The following FBXO11 variants were observed in gnomAD, a reference collection of about 807,000 sequenced individuals.
FBXO11 encodes the protein F-box only protein 11.
In FBXO11, 13 loss-of-function variants were observed where a neutral mutation model predicts 117.0. The ratio of observed to expected loss-of-function variants is 0.11; its 90% CI spans 0.07 to 0.18. FBXO11 has a LOEUF of 0.18. Ranked by LOEUF, FBXO11 falls within the 10% of genes least tolerant of loss-of-function variation. FBXO11 has a pLI of 1.00. For missense variants in FBXO11, 767 were observed against 1,164.4 expected, an observed-to-expected ratio of 0.66 and a Z score of 4.97; for synonymous variants, 490 against 380.5, an observed-to-expected ratio of 1.29 and a Z score of -3.35.
At position 47,896,949 on chromosome 2, in the gene FBXO11, T is replaced by C. The variant is rs545341186; in HGVS notation, c.232+8540A>G. On this transcript the variant is annotated intron_variant, in intron 1 of 22. Coordinates refer to ENST00000403359, the MANE Select transcript of FBXO11 (RefSeq NM_001190274.2). ...CTTTGATATTTCTTCTTTACTATGA[T>C]AGAAGTCTGGAAAGACTCCTACTTT... is the stretch of plus-strand genomic sequence containing the variant. 1.4e-4 allele frequency among the ~76,000 whole-genome samples: 21 copies of C among 152,342 alleles called. No homozygotes were observed. In the South Asian group the frequency reaches 1.9e-3, roughly 14 times the overall value.
At chr2:47,882,224 G>A (rs1393606374) in intron 1 of FBXO11, among the ~76,000 whole-genome samples, 1 of 152,132 alleles carries the variant, frequency 6.6e-6, no homozygotes, top group Non-Finnish European at 1.5e-5. Context: ...AAAATCTTTA[G>A]CTCGCACTTT....
At chr2:47,880,800 T>C (rs1284723459) in intron 1 of FBXO11, among the ~76,000 whole-genome samples, 4 of 152,242 alleles carry the variant, frequency 2.6e-5, no homozygotes, top group African/African-American at 7.2e-5. Context: ...TTTGCATTTG[T>C]ATCTTATACC....
In FBXO11 at chr2:47,848,701, G is replaced by A. The variant is rs372610564; in HGVS notation, c.233-8932C>T. Among the ~76,000 whole-genome samples the A allele has an allele frequency of 6.6e-5, 10 of 152,060 alleles. No individual in the cohort carries two copies. In the East Asian group the frequency reaches 1.7e-3, roughly 26 times the overall value. Reference sequence around the variant, plus strand: ...ACCACAGAAATAAGTAAAGTCTTCTGGAAAATAAACATGTTTCTTTAATTA... The same window carrying A: ...ACCACAGAAATAAGTAAAGTCTTCTAGAAAATAAACATGTTTCTTTAATTA... On this transcript the variant is annotated intron_variant, in intron 1 of 22. Transcript: ENST00000403359.
Position 47,905,580 on chromosome 2 carries a change from C to A in FBXO11, c.141G>T (p.Pro47=). Reference sequence around the variant, plus strand: ...GCTGCTGCTGCTGCTGCTGCGGCGGCGGCGGAGGCTGCTGCTGGGGCGGCT... The same window carrying A: ...GCTGCTGCTGCTGCTGCTGCGGCGGAGGCGGAGGCTGCTGCTGGGGCGGCT... The part of the protein sequence containing the change: ...QQQPPQQQPP[P]PPQQQQQQQP... Residue 47 remains proline, a synonymous_variant, in exon 1 of 23, where the codon CCG becomes CCT. Coordinates refer to ENST00000403359, the MANE Select transcript of FBXO11 (RefSeq NM_001190274.2). The A allele has an allele frequency of 7.9e-7, 1 of 1,258,642 alleles. No individual in the cohort carries two copies. The highest frequency in any genetic ancestry group is 3.2e-5 in the East Asian group (1 of 30,944). 78.0% of individuals were successfully genotyped at this position (1,258,642 alleles called of 1,614,324 possible). A position where few individuals can be genotyped will look rare whatever the true frequency, so the allele number is the denominator to read the frequency against.
rs145682669 is a variant in FBXO11 at position 47,893,586 on chromosome 2, T to C, written c.232+11903A>G. 1.5e-4 allele frequency among the ~76,000 whole-genome samples: 23 copies of C among 152,330 alleles called. 1 individual carries two copies. The highest frequency in any genetic ancestry group is 5.3e-4 in the African/African-American group (22 of 41,576). On this transcript the variant is annotated intron_variant, in intron 1 of 22. Coordinates refer to ENST00000403359, the MANE Select transcript of FBXO11 (RefSeq NM_001190274.2). The stretch of plus-strand genomic sequence containing the variant: ...AGCTTACTTGCAATTCAGACTAATT[T>C]CAAATTTTATTTAAACTCAGTTTCT...
intron 1 of FBXO11, among the ~76,000 whole-genome samples, chr2:47,851,228 TTTTC>T (rs1191830737): frequency 1.3e-5 from 2 of 152,182 alleles, no homozygotes; most frequent in Non-Finnish European, 2.9e-5. Flanking sequence ...TAATTTTTTC[TTTTC>T]TTTTCTTTTT....
intron 1 of FBXO11, among the ~76,000 whole-genome samples, chr2:47,844,658 T>C (rs572765607): frequency 2.0e-5 from 3 of 152,336 alleles, no homozygotes; most frequent in East Asian, 3.9e-4. Flanking sequence ...TTTCTTTTGT[T>C]CGTTTTGTTT....
chr2:47,879,016 G>C (rs1572893810), intron 1 of FBXO11, among the ~76,000 whole-genome samples: 1 of 152,040 alleles, frequency 6.6e-6, no homozygotes, highest in African/African-American at 2.4e-5. Flanking sequence ...CACGTATTCA[G>C]TTCCTCTCCC....
chr2:47,835,035 T>G (rs544569557), intron 5 of FBXO11, among the ~76,000 whole-genome samples, 164 bp from the exon 6 acceptor site: 2 of 152,382 alleles, frequency 1.3e-5, no homozygotes, highest in East Asian at 3.9e-4. Context: ...AAACAAGTTA[T>G]GATCCGGTAA....
chr2:47,857,583 G>A (rs150684580), intron 1 of FBXO11, among the ~76,000 whole-genome samples: 1 of 152,114 alleles, frequency 6.6e-6, no homozygotes. Context: ...ATCATGGGGG[G>A]TAGATTTCAT....
At chr2:47,868,992 A>C (rs1675408133) in intron 1 of FBXO11, among the ~76,000 whole-genome samples, 1 of 152,212 alleles carries the variant, frequency 6.6e-6, no homozygotes, top group Admixed American at 6.5e-5. Context: ...GCTTCACAGA[A>C]CAAAGAAGTG....
At chr2:47,871,463 C>CT (rs1203795658) in intron 1 of FBXO11, among the ~76,000 whole-genome samples, 1 of 152,186 alleles carries the variant, frequency 6.6e-6, no homozygotes, top group African/African-American at 2.4e-5. Context: ...TGGGGGTAAT[C>CT]TGTCATGAAA....
At chr2:47,888,550 T>C (rs1572909837) in intron 1 of FBXO11, 3 of 263,250 alleles carry the variant, frequency 1.1e-5, no homozygotes, top group Admixed American at 6.5e-5. Context: ...CTTCTGAGTA[T>C]ATAATAGGAA....
intron 11 of FBXO11, among the ~76,000 whole-genome samples, chr2:47,828,291 C>G (rs967900010): frequency 5.3e-5 from 8 of 152,180 alleles, no homozygotes; most frequent in African/African-American, 1.9e-4. Flanking sequence ...TCTGCTTTGT[C>G]TTTTAATGCA....
chr2:47,848,134 AC>A (rs1463385953), intron 1 of FBXO11, among the ~76,000 whole-genome samples: 25 of 146,576 alleles, frequency 1.7e-4, no homozygotes, highest in African/African-American at 6.0e-4. Context: ...AAAAAAACAA[AC>A]AAACAAACAA....
In FBXO11 at chr2:47,905,816, AG is replaced by A; in HGVS notation, c.-97del. 2.9e-5 allele frequency: 3 copies of A among 101,946 alleles called. No individual in the cohort carries two copies. The highest frequency in any genetic ancestry group is 7.4e-5 in the South Asian group (1 of 13,594). The allele number at this position is 101,946 out of a possible 1,614,324, so 6.3% of individuals were successfully genotyped here. The stretch of plus-strand genomic sequence containing the variant: ...GAGAAAGGGGTGGGGAGAGTGGGAG[AG>A]GGGGGAGGAAGGAGAGGGGGCGAGG... On this transcript the variant is annotated 5_prime_UTR_variant, in exon 1 of 23. Transcript: ENST00000403359.
At chr2:47,875,649 G>A (rs1358577779) in intron 1 of FBXO11, among the ~76,000 whole-genome samples, 3 of 152,030 alleles carry the variant, frequency 2.0e-5, no homozygotes, top group African/African-American at 4.8e-5. Context: ...GACTCATATG[G>A]TAACTGTAAG....
chr2:47,886,963 T>G (rs1215882116), intron 1 of FBXO11, among the ~76,000 whole-genome samples: 1 of 152,122 alleles, frequency 6.6e-6, no homozygotes, highest in Non-Finnish European at 1.5e-5. Flanking sequence ...CACTAAGCTG[T>G]GATCAAGCCA....
intron 1 of FBXO11, 31 bp from the exon 2 acceptor site, chr2:47,839,800 A>T (rs770295950): frequency 6.3e-7 from 1 of 1,583,810 alleles, no homozygotes. Flanking sequence ...AAGAAAAATT[A>T]TACCCTTTTT....
Sources: allele counts gnomAD v4.1 joint callset (sites outside exome capture counted in the v4.1 genomes callset), GRCh38; gene constraint gnomAD v4.1.1; transcripts MANE v1.5; gene names NCBI Gene and HGNC (gene_info 2026-07-23, HGNC 2026-07-21).